LRRC7: variants seen among roughly 807,000 people sequenced by gnomAD.
The protein encoded by LRRC7 is leucine rich repeat containing 7, also known as leucine-rich repeat-containing protein 7.
In LRRC7, 23 loss-of-function variants were observed where a neutral mutation model predicts 175.7. The observed-to-expected ratio is 0.13, with a 90% CI of 0.09 to 0.19. The LOEUF (loss-of-function observed/expected upper bound fraction) is 0.19, where lower values mean the gene tolerates loss of function less well. Ranked by LOEUF, LRRC7 falls within the 10% of genes least tolerant of loss-of-function variation. LRRC7 has a pLI of 1.00. For missense variants in LRRC7, 1,354 were observed against 1,904.7 expected (o/e 0.71, Z 5.38); for synonymous variants, 685 against 680.9 (o/e 1.01, Z -0.09).
chr1:69,781,924 G>GAAAGAAAGAAAGAA (rs1553155324), intron 3 of LRRC7, among the ~76,000 whole-genome samples: 1 of 139,352 alleles, frequency 7.2e-6, no homozygotes, highest in African/African-American at 2.9e-5. Flanking sequence ...AAGAAAGAAA[G>GAAAGAAAGAAAGAA]AAAGAAAGAA....
At chr1:69,604,074 T>C (rs1021616863) in intron 1 of LRRC7, among the ~76,000 whole-genome samples, 7 of 152,144 alleles carry the variant, frequency 4.6e-5, no homozygotes, top group Non-Finnish European at 7.4e-5. Flanking sequence ...TATTTTAAGA[T>C]TTTGTTTCCT....
At chr1:69,867,619 A>G (rs904686315) in intron 7 of LRRC7, among the ~76,000 whole-genome samples, 1 of 152,160 alleles carries the variant, frequency 6.6e-6, no homozygotes, top group African/African-American at 2.4e-5. Flanking sequence ...AATTACGAGA[A>G]CCAATTTAAA....
At chr1:69,891,501 G>A (rs1229297663) in intron 7 of LRRC7, among the ~76,000 whole-genome samples, 1 of 152,218 alleles carries the variant, frequency 6.6e-6, no homozygotes, top group East Asian at 1.9e-4. Context: ...GGAGGCCAGG[G>A]TGGGTGGATC....
intron 9 of LRRC7, among the ~76,000 whole-genome samples, chr1:69,983,933 CT>C (rs757776931): frequency 6.0e-4 from 88 of 146,920 alleles, no homozygotes; most frequent in Middle Eastern, 3.5e-3. Context: ...TGACATTATA[CT>C]TTTTTTTTTT....
In LRRC7 at chr1:69,906,743, G is replaced by A. The variant is rs557907116; in HGVS notation, c.648-24764G>A. On this transcript the variant is annotated intron_variant, in intron 7 of 26. Transcript: ENST00000651989. ...GCTTAGGATTGACTTGGCGATGAGG[G>A]CTCTTTTTTGGTTCCATATGAACTT... Among the ~76,000 whole-genome samples, 49 of 152,198 alleles carry A rather than the reference G, an allele frequency of 3.2e-4. No homozygotes were observed. The South Asian group carries it at 9.8e-3, about 30-fold the overall frequency.
rs769259626 is a variant in LRRC7 at position 70,038,253 on chromosome 1, C to T, written c.2429C>T (p.Ser810Leu). ...TTCACTGACAACTGGACTGATGGCT[C>T]GCATTATGACAACACAGGGTTTGTT... Reference protein sequence around the residue: ...DTFTDNWTDGSHYDNTGFVAE... With the variant: ...DTFTDNWTDGLHYDNTGFVAE... The change falls in exon 21 of 27, where the codon TCG becomes TTG. Residue 810 changes from serine to leucine, a missense_variant. Physicochemically the swap from Ser to Leu is moderately radical, Grantham distance 145. Transcript: ENST00000651989. 7.4e-6 allele frequency: 12 copies of T among 1,614,136 alleles called. No homozygotes were observed. The highest frequency in any genetic ancestry group is 3.3e-5 in the South Asian group (3 of 91,084).
intron 1 of LRRC7, among the ~76,000 whole-genome samples, chr1:69,643,956 CAAATT>C (rs1408285173): frequency 1.3e-5 from 2 of 151,818 alleles, no homozygotes; most frequent in African/African-American, 4.8e-5. Context: ...GAATCACAAA[CAAATT>C]AAAAATATTT....
intron 1 of LRRC7, among the ~76,000 whole-genome samples, chr1:69,579,044 G>C (rs1426437331): frequency 6.6e-6 from 1 of 151,986 alleles, no homozygotes; most frequent in Non-Finnish European, 1.5e-5. Context: ...CCACTTAATG[G>C]TTTTAATATT....
At chr1:69,755,583 G>T (rs922828360) in intron 2 of LRRC7, among the ~76,000 whole-genome samples, 6 of 151,202 alleles carry the variant, frequency 4.0e-5, no homozygotes, top group African/African-American at 7.3e-5. Context: ...TATAGTACAA[G>T]TTGCAAAGCA....
chr1:70,036,087 T>TA (rs1209677548), intron 18 of LRRC7, 34 bp from the exon 19 acceptor site: 1 of 1,520,140 alleles, frequency 6.6e-7, no homozygotes, highest in African/African-American at 1.4e-5. Flanking sequence ...TTTAAATGTT[T>TA]ACTTTCCTTG....
chr1:70,044,578 T>G (rs957449456), intron 22 of LRRC7, among the ~76,000 whole-genome samples: 4 of 152,160 alleles, frequency 2.6e-5, no homozygotes, highest in African/African-American at 9.7e-5. Flanking sequence ...TATAAGTGCT[T>G]CTTCAGCCCA....
chr1:70,032,919 C>T (rs1658913037), intron 18 of LRRC7, among the ~76,000 whole-genome samples: 1 of 152,176 alleles, frequency 6.6e-6, no homozygotes, highest in Admixed American at 6.5e-5. Context: ...GTTCAATGTA[C>T]TTACAATGGA....
At chr1:69,760,422 T>A (rs762023586) in intron 3 of LRRC7, 29 bp downstream of exon 3, 2 of 1,550,490 alleles carry the variant, frequency 1.3e-6, no homozygotes, top group East Asian at 2.3e-5. Flanking sequence ...AAATATACAA[T>A]GTAAATGAGT....
chr1:70,043,827 G>GT (rs543294166), intron 21 of LRRC7, 127 bp from the exon 22 acceptor site: 41 of 1,109,084 alleles, frequency 3.7e-5, no homozygotes, highest in African/African-American at 9.5e-5. Context: ...TCAAGTGCAT[G>GT]TTTTTTTAAA....
chr1:69,581,983 G>A (rs56282529), intron 1 of LRRC7, among the ~76,000 whole-genome samples: 28,687 of 152,026 alleles, frequency 0.19, 2,974 homozygotes, highest in East Asian at 0.36. Flanking sequence ...TGCTACCAAG[G>A]GATCCATGCT....
chr1:69,867,414 C>T (rs1354321795), intron 7 of LRRC7, among the ~76,000 whole-genome samples: 1 of 152,130 alleles, frequency 6.6e-6, no homozygotes, highest in African/African-American at 2.4e-5. Context: ...GTACCTAGTA[C>T]AGAGCCATAC....
chr1:69,694,337 T>C (rs1251481578), intron 2 of LRRC7, among the ~76,000 whole-genome samples: 1 of 152,242 alleles, frequency 6.6e-6, no homozygotes, highest in Non-Finnish European at 1.5e-5. Context: ...ACATTTGATA[T>C]AGTGTCATCA....
chr1:70,122,009 A>G lies in LRRC7; in HGVS notation c.*122A>G. ...GGCAAACATTAGTGCCAAATGTATA[A>G]TACTATATGTTAGCACTGACCATCC... On this transcript the variant is annotated 3_prime_UTR_variant, in exon 27 of 27. Transcript: ENST00000651989. The G allele has an allele frequency of 3.0e-6, 2 of 668,328 alleles. No individual in the cohort carries two copies. The highest frequency in any genetic ancestry group is 5.4e-6 in the Non-Finnish European group (2 of 371,802). The allele number at this position is 668,328 out of a possible 1,614,324, so 41.4% of individuals were successfully genotyped here. A position where few individuals can be genotyped will look rare whatever the true frequency, so the allele number is the denominator to read the frequency against.
At position 70,140,232 on chromosome 1, in the gene LRRC7, T is replaced by C. The variant is rs959734484; in HGVS notation, c.*18345T>C. On this transcript the variant is annotated 3_prime_UTR_variant, in exon 27 of 27. Coordinates refer to ENST00000651989, the MANE Select transcript of LRRC7 (RefSeq NM_001370785.2). ...AGGGTATATTTGATCCTACAGTTAA[T>C]TTTAACATTGGGCTGCAAGCTTAAC... 6.6e-6 allele frequency: 1 copy of C among 152,174 alleles called. No homozygotes were observed. The highest frequency in any genetic ancestry group is 1.5e-5 in the Non-Finnish European group (1 of 68,026). The allele number at this position is 152,174 out of a possible 1,614,324, so 9.4% of individuals were successfully genotyped here.
Sources: gnomAD v4.1 joint callset for allele counts (sites outside exome capture counted in the v4.1 genomes callset) on GRCh38, gnomAD v4.1.1 for gene constraint, MANE v1.5 for transcripts, NCBI Gene and HGNC (gene_info 2026-07-23, HGNC 2026-07-21) for gene names.